CCDC171: variants seen among roughly 807,000 people sequenced by gnomAD.
The protein encoded by CCDC171 is coiled-coil domain-containing protein 171.
CCDC171 carries 177 observed loss-of-function variants against 168.2 expected under a neutral mutation model. The observed-to-expected ratio is 1.05, with a 90% CI of 0.93 to 1.19. CCDC171 has a LOEUF of 1.19. Ranked by LOEUF, CCDC171 falls within the 50% of genes most tolerant of loss-of-function variation. The probability of loss-of-function intolerance (pLI) is 0.00; values close to 1 mark genes in which losing one functional copy is unlikely to be tolerated. For missense variants in CCDC171, 1,991 were observed against 1,539.0 expected (o/e 1.29, Z -4.91); for synonymous variants, 687 against 540.8 (o/e 1.27, Z -3.75).
downstream of CCDC171, among the ~76,000 whole-genome samples, chr9:15,975,777 G>A (rs1215171320): frequency 6.6e-6 from 1 of 152,184 alleles, no homozygotes; most frequent in Non-Finnish European, 1.5e-5. Context: ...AGTGTAGTAG[G>A]CTGAATAATG....
chr9:15,701,268 T>C (rs890249205), intron 11 of CCDC171, among the ~76,000 whole-genome samples: 4 of 152,226 alleles, frequency 2.6e-5, no homozygotes, highest in Non-Finnish European at 4.4e-5. Flanking sequence ...GGTTTATTTT[T>C]GTTTTTGTTG....
intron 18 of CCDC171, among the ~76,000 whole-genome samples, chr9:15,752,589 G>T (rs548438829): frequency 1.3e-5 from 2 of 152,176 alleles, no homozygotes; most frequent in African/African-American, 4.8e-5. Context: ...CATGTCCTTT[G>T]CAGGGTCATG....
downstream of CCDC171, among the ~76,000 whole-genome samples, chr9:16,066,428 C>T (rs1369399761): frequency 1.3e-5 from 2 of 151,698 alleles, no homozygotes; most frequent in Non-Finnish European, 2.9e-5. Context: ...ACCGTGAAGT[C>T]ACGTGCTGTG....
chr9:15,791,256 G>T (rs375552673), intron 21 of CCDC171, among the ~76,000 whole-genome samples: 1 of 151,898 alleles, frequency 6.6e-6, no homozygotes, highest in Non-Finnish European at 1.5e-5. Context: ...ATTTGTTTGT[G>T]TCCTCTTTTA....
chr9:15,600,554 G>A (rs2042760922), intron 6 of CCDC171, among the ~76,000 whole-genome samples: 2 of 152,194 alleles, frequency 1.3e-5, no homozygotes, highest in Admixed American at 6.5e-5. Context: ...CTACTCAGGG[G>A]TGCCTCCCAG....
intron 24 of CCDC171, among the ~76,000 whole-genome samples, chr9:15,891,275 G>A (rs1820178960): frequency 6.6e-6 from 1 of 152,154 alleles, no homozygotes; most frequent in Non-Finnish European, 1.5e-5. Context: ...TTTCTGAGGA[G>A]CTGTTTGTTT....
intron 11 of CCDC171, among the ~76,000 whole-genome samples, chr9:15,716,015 T>C (rs2053057514): frequency 6.6e-6 from 1 of 152,174 alleles, no homozygotes; most frequent in Admixed American, 6.5e-5. Flanking sequence ...AAACAGGGTA[T>C]GGTGAGTGAA....
chr9:15,727,537 C>T (rs1259990765), intron 14 of CCDC171, among the ~76,000 whole-genome samples: 2 of 152,092 alleles, frequency 1.3e-5, no homozygotes, highest in African/African-American at 4.8e-5. Flanking sequence ...GAGTCCAATC[C>T]ATATGCTTCG....
At position 15,744,636 on chromosome 9, in the gene CCDC171, GT is replaced by G; in HGVS notation, c.2415del (p.Ile806LeufsTer30). Reference sequence around the variant, plus strand: ...ATTGATACGTATATTTCGGAAAGGTGTTATTGCTGTTTTGGCAGCAAACAGA... The same window carrying G: ...ATTGATACGTATATTTCGGAAAGGTGTATTGCTGTTTTGGCAGCAAACAGA... The part of the protein sequence containing the change: ...KGLIRIFRKG[V>X]IAVLAANRLK... On this transcript the variant is annotated frameshift_variant, in exon 17 of 26. Transcript: ENST00000380701. LOFTEE classifies it high-confidence loss of function. 6.2e-7 allele frequency: 1 copy of G among 1,614,184 alleles called. No homozygotes were observed. Among genetic ancestry groups the G allele is most frequent in the Non-Finnish European group, 8.5e-7 (1 of 1,180,018 alleles).
chr9:16,080,471 T>C, the CCDC171 span, among the ~76,000 whole-genome samples: 1 of 152,212 alleles, frequency 6.6e-6, no homozygotes, highest in Non-Finnish European at 1.5e-5. Context: ...TCTCTATCTC[T>C]AAAATATTGA....
At chr9:15,725,273 C>A (rs1328995581) in intron 14 of CCDC171, among the ~76,000 whole-genome samples, 1 of 152,046 alleles carries the variant, frequency 6.6e-6, no homozygotes, top group Non-Finnish European at 1.5e-5. Flanking sequence ...TTTCAAGGTT[C>A]CTGTTTGCCA....
At chr9:16,064,381 G>A (rs1199956847), downstream of CCDC171, among the ~76,000 whole-genome samples, 2 of 152,118 alleles carry the variant, frequency 1.3e-5, no homozygotes, top group Non-Finnish European at 2.9e-5. Flanking sequence ...GAGAAGGTGA[G>A]GGGGTGCAGA....
rs777652705 is a variant in CCDC171 at position 15,846,713 on chromosome 9, G to T, written c.3279G>T (p.Glu1093Asp). Residue 1093 changes from glutamate (E) to aspartate (D), a missense_variant, in exon 22 of 26, where the codon GAG becomes GAT. By Grantham distance (45) the Glu-to-Asp change is conservative. Coordinates refer to ENST00000380701, the MANE Select transcript of CCDC171 (RefSeq NM_173550.4). ...CTGTCTGCTTGCAGAGTCTCTCCGAGGCAAAGATGGAGCTGAGAAGAAAAG... is the reference window on the plus strand; with the variant it reads ...CTGTCTGCTTGCAGAGTCTCTCCGATGCAAAGATGGAGCTGAGAAGAAAAG... ...TLGEAVKSLS[E>D]AKMELRRKDQ... is the part of the protein sequence containing the mutation. The T allele has an allele frequency of 4.3e-6, 7 of 1,612,886 alleles. No homozygotes were observed. In the Admixed American group the frequency reaches 1.2e-4, roughly 27 times the overall value.
chr9:15,679,660 T>C (rs2049903413), intron 10 of CCDC171, among the ~76,000 whole-genome samples: 1 of 152,088 alleles, frequency 6.6e-6, no homozygotes, highest in African/African-American at 2.4e-5. Context: ...AGCAATCCTC[T>C]TGCCTCAGCC....
intron 6 of CCDC171, among the ~76,000 whole-genome samples, chr9:15,599,894 C>T (rs965656540): frequency 6.6e-6 from 1 of 152,068 alleles, no homozygotes; most frequent in Non-Finnish European, 1.5e-5. Flanking sequence ...TCATTTCATT[C>T]ATTTGATCTT....
rs1041059558 is a variant in CCDC171 at position 15,751,684 on chromosome 9, G to T, written c.2671+6053G>T. On this transcript the variant is annotated intron_variant, in intron 18 of 25. Transcript: ENST00000380701. ...AAAGCATTCCCTATTTAATAAGTGTGCTGGGAAAACTGGCTAGTCATATGT... is the reference window on the plus strand; with the variant it reads ...AAAGCATTCCCTATTTAATAAGTGTTCTGGGAAAACTGGCTAGTCATATGT... 3.9e-5 allele frequency among the ~76,000 whole-genome samples: 6 copies of T among 152,184 alleles called. No individual in the cohort carries two copies. In the East Asian group the frequency reaches 7.7e-4, roughly 20 times the overall value.
chr9:15,566,345 C>T (rs987830070), intron 2 of CCDC171, among the ~76,000 whole-genome samples: 3 of 151,884 alleles, frequency 2.0e-5, no homozygotes. Flanking sequence ...ATTGCTTGAG[C>T]CCAGGAGTTC....
At chr9:15,718,626 G>A (rs1035176390) in intron 11 of CCDC171, among the ~76,000 whole-genome samples, 1 of 152,218 alleles carries the variant, frequency 6.6e-6, no homozygotes, top group African/African-American at 2.4e-5. Context: ...TCAGCACAGA[G>A]AGACTCTGTT....
Position 15,931,878 on chromosome 9 carries a change from T to G in CCDC171, c.3753+11456T>G, listed in dbSNP as rs560957998. The stretch of plus-strand genomic sequence containing the variant: ...TCCCAATACTATTTATTGAAGAGAT[T>G]GTCCTCTCCCCAATGTGTGTGCTTA... On this transcript the variant is annotated intron_variant, in intron 25 of 25. Coordinates refer to ENST00000380701, the MANE Select transcript of CCDC171 (RefSeq NM_173550.4). Among the ~76,000 whole-genome samples the G allele has an allele frequency of 2.6e-5, 4 of 151,990 alleles. No homozygotes were observed. The East Asian group carries it at 7.8e-4, about 30-fold the overall frequency.
Sources: gnomAD v4.1 joint callset for allele counts (sites outside exome capture counted in the v4.1 genomes callset) on GRCh38, gnomAD v4.1.1 for gene constraint, MANE v1.5 for transcripts, NCBI Gene and HGNC (gene_info 2026-07-23, HGNC 2026-07-21) for gene names.